Variants in PRRG1 observed in about 807,000 individuals in gnomAD.
PRRG1 encodes the protein proline rich and Gla domain 1, also known as transmembrane gamma-carboxyglutamic acid protein 1.
A neutral mutation model predicts 11.8 loss-of-function variants in PRRG1; 5 were observed. That is an observed-to-expected ratio of 0.42 (90% CI 0.22 to 0.89). The LOEUF (loss-of-function observed/expected upper bound fraction) is 0.89. Ranked by LOEUF, PRRG1 falls within the 40% of genes least tolerant of loss-of-function variation. The pLI is 0.28. For missense variants in PRRG1, 155 were observed against 166.1 expected (o/e 0.93, Z 0.37); for synonymous variants, 66 against 60.4 (o/e 1.09, Z -0.43).
At chrX:37,433,601 A>G (rs1932855122) in intron 3 of PRRG1, among the ~76,000 whole-genome samples, 1 of 108,971 alleles carries the variant, frequency 9.2e-6, no homozygotes, top group Non-Finnish European at 1.9e-5. Flanking sequence ...CCCCCGCCCC[A>G]TCAGGACTGT....
At chrX:37,367,152 A>C (rs781818201) in intron 1 of PRRG1, among the ~76,000 whole-genome samples, 2 of 112,331 alleles carry the variant, frequency 1.8e-5, no homozygotes, top group South Asian at 7.4e-4. Context: ...ATCTGGAAAA[A>C]ATAGAAGGCA....
chrX:37,456,185 T>A lies in PRRG1; in HGVS notation c.*2564T>A, dbSNP rs1378821719. On this transcript the variant is annotated 3_prime_UTR_variant, in exon 4 of 4. Coordinates refer to ENST00000378628, the MANE Select transcript of PRRG1 (RefSeq NM_001142395.2). ...TTAGTATGGTGAATATTGATAGATA[T>A]AAACCTCATGAACAAAAGTACTTTG... 8.9e-6 allele frequency: 1 copy of A among 112,052 alleles called. No homozygotes were observed. Among genetic ancestry groups the A allele is most frequent in the Non-Finnish European group, 1.9e-5 (1 of 53,216 alleles). 9.2% of individuals were successfully genotyped at this position (112,052 alleles called of 1,213,427 possible).
chrX:37,402,860 C>T, intron 1 of PRRG1, among the ~76,000 whole-genome samples: 1 of 111,604 alleles, frequency 9.0e-6, no homozygotes. Flanking sequence ...ATTTATGCAG[C>T]CAAAAAACAC....
chrX:37,402,543 T>G (rs1377578690), intron 1 of PRRG1, among the ~76,000 whole-genome samples: 1 of 111,618 alleles, frequency 9.0e-6, no homozygotes, highest in Non-Finnish European at 1.9e-5. Flanking sequence ...GAAGAAAACC[T>G]AGGCATTACC....
chrX:37,400,642 C>A (rs782059406), intron 1 of PRRG1, among the ~76,000 whole-genome samples: 3 of 110,693 alleles, frequency 2.7e-5, no homozygotes, highest in East Asian at 5.7e-4. Context: ...TCAGAGCAGA[C>A]CTGAAGGAAA....
chrX:37,365,152 G>T (rs920662776), intron 1 of PRRG1, among the ~76,000 whole-genome samples: 1 of 112,004 alleles, frequency 8.9e-6, no homozygotes, highest in Non-Finnish European at 1.9e-5. Context: ...AAAGACAAAA[G>T]AGTATGTTTG....
At chrX:37,365,235 G>A (rs1389370040) in intron 1 of PRRG1, among the ~76,000 whole-genome samples, 1 of 111,349 alleles carries the variant, frequency 9.0e-6, no homozygotes, top group African/African-American at 3.3e-5. Context: ...CGTATTTATT[G>A]GGTAAAAGAA....
chrX:37,376,551 G>GCATATA (rs1556372317), intron 1 of PRRG1, among the ~76,000 whole-genome samples: 1 of 26,911 alleles, frequency 3.7e-5, no homozygotes, highest in African/African-American at 7.7e-5. Flanking sequence ...AAATGTGAGT[G>GCATATA]TATATATATA....
intron 1 of PRRG1, among the ~76,000 whole-genome samples, chrX:37,372,193 T>C (rs1410588094): frequency 1.8e-5 from 2 of 112,701 alleles, no homozygotes; most frequent in East Asian, 5.5e-4. Flanking sequence ...GTATGTCTAG[T>C]TGTGGTTTCA....
intron 1 of PRRG1, among the ~76,000 whole-genome samples, chrX:37,376,234 T>C (rs1171415748): frequency 9.1e-6 from 1 of 109,651 alleles, no homozygotes; most frequent in Non-Finnish European, 1.9e-5. Flanking sequence ...TGGTTCATCA[T>C]GGAGTTGGAC....
chrX:37,438,196 G>T (rs1932910795), intron 3 of PRRG1, among the ~76,000 whole-genome samples: 1 of 110,512 alleles, frequency 9.0e-6, no homozygotes, highest in Non-Finnish European at 1.9e-5. Flanking sequence ...GGGTGACAGA[G>T]CAAGACTCCA....
In PRRG1 at chrX:37,425,958, A is replaced by G. The variant is rs782121896; in HGVS notation, c.129A>G (p.Thr43=). The change falls in exon 3 of 4, where the codon ACA becomes ACG. Residue 43 remains threonine (T), a synonymous_variant. Coordinates refer to ENST00000378628, the MANE Select transcript of PRRG1 (RefSeq NM_001142395.2). ...IERECKEEFC[T]FEEAREAFEN... ...GTGAGTGCAAAGAAGAATTCTGTAC[A>G]TTTGAAGAAGCAAGAGAAGCTTTTG... is the stretch of plus-strand genomic sequence containing the variant. 8.4e-7 allele frequency: 1 copy of G among 1,191,935 alleles called. No homozygotes were observed. The highest frequency in any genetic ancestry group is 1.1e-6 in the Non-Finnish European group (1 of 888,304).
intron 2 of PRRG1, among the ~76,000 whole-genome samples, chrX:37,411,765 G>A (rs1490189076): frequency 2.7e-5 from 3 of 111,774 alleles, no homozygotes; most frequent in Non-Finnish European, 5.7e-5. Context: ...CAAATCATGA[G>A]CTAGCTGCTC....
chrX:37,412,715 C>T lies in PRRG1; in HGVS notation c.10+6456C>T, dbSNP rs782153263. 7.1e-4 allele frequency among the ~76,000 whole-genome samples: 78 copies of T among 109,637 alleles called. 1 individual carries two copies. The highest frequency in any genetic ancestry group is 5.5e-4 in the Non-Finnish European group (29 of 52,552). On this transcript the variant is annotated intron_variant, in intron 2 of 3. Coordinates refer to ENST00000378628, the MANE Select transcript of PRRG1 (RefSeq NM_001142395.2). Reference sequence around the variant, plus strand: ...TCACCAGAAAAAAAAAAAGAACTAACGGAGAGGTTACTTTTAAAAAACTCA... The same window carrying T: ...TCACCAGAAAAAAAAAAAGAACTAATGGAGAGGTTACTTTTAAAAAACTCA...
intron 2 of PRRG1, among the ~76,000 whole-genome samples, chrX:37,414,259 A>G (rs1302721763): frequency 9.0e-6 from 1 of 110,886 alleles, no homozygotes; most frequent in Non-Finnish European, 1.9e-5. Context: ...ATCTTTTACC[A>G]GATGTACCTT....
intron 1 of PRRG1, among the ~76,000 whole-genome samples, chrX:37,404,625 A>G (rs1556381495): frequency 9.0e-6 from 1 of 110,700 alleles, no homozygotes; most frequent in East Asian, 2.8e-4. Flanking sequence ...TCCAGAAAAA[A>G]TCTCAATGGG....
At chrX:37,353,159 A>G (rs182892938) in intron 1 of PRRG1, among the ~76,000 whole-genome samples, 63 of 111,747 alleles carry the variant, frequency 5.6e-4, no homozygotes, top group Non-Finnish European at 6.8e-4. Context: ...GTGGAACAAG[A>G]TGTGAAAGTG....
intron 2 of PRRG1, among the ~76,000 whole-genome samples, chrX:37,414,157 T>G (rs1260316247): frequency 8.9e-6 from 1 of 112,373 alleles, no homozygotes; most frequent in Non-Finnish European, 1.9e-5. Flanking sequence ...CCATGTATCT[T>G]TTTTGGTGAG....
intron 3 of PRRG1, among the ~76,000 whole-genome samples, chrX:37,444,487 C>T (rs907549094): frequency 5.4e-5 from 6 of 111,540 alleles, no homozygotes; most frequent in Non-Finnish European, 1.1e-4. Flanking sequence ...AAATAGAGAT[C>T]ACAAAAGCAT....
Sources: gnomAD v4.1 joint callset for allele counts (sites outside exome capture counted in the v4.1 genomes callset) on GRCh38, gnomAD v4.1.1 for gene constraint, MANE v1.5 for transcripts, NCBI Gene and HGNC (gene_info 2026-07-23, HGNC 2026-07-21) for gene names.